SLIT3: variants seen among roughly 807,000 people sequenced by gnomAD.
SLIT3 encodes slit guidance ligand 3.
In SLIT3, 68 loss-of-function variants were observed where a neutral mutation model predicts 184.0. The ratio of observed to expected loss-of-function variants is 0.37; its 90% CI spans 0.30 to 0.45. The LOEUF is 0.45. Ranked by LOEUF, SLIT3 falls within the 20% of genes least tolerant of loss-of-function variation. The pLI is 1.00. For missense variants in SLIT3, 1,707 were observed against 2,026.0 expected, an observed-to-expected ratio of 0.84 and a Z score of 3.02; for synonymous variants, 831 against 828.6, an observed-to-expected ratio of 1.00 and a Z score of -0.05.
At chr5:169,261,334 AC>A (rs993145387) in intron 1 of SLIT3, among the ~76,000 whole-genome samples, 16 of 144,516 alleles carry the variant, frequency 1.1e-4, no homozygotes, top group East Asian at 1.0e-3. Flanking sequence ...ACAAAAAAAA[AC>A]CCCAGCATGT....
intron 4 of SLIT3, among the ~76,000 whole-genome samples, chr5:169,040,089 G>GA (rs1385200088): frequency 3.9e-5 from 6 of 152,106 alleles, no homozygotes; most frequent in Admixed American, 3.9e-4. Flanking sequence ...GTTTAACTTG[G>GA]AAATAAAAAA....
intron 1 of SLIT3, among the ~76,000 whole-genome samples, chr5:169,265,604 T>C (rs903383460): frequency 3.9e-5 from 6 of 152,140 alleles, no homozygotes; most frequent in South Asian, 2.1e-4. Flanking sequence ...TCTTAGCAAA[T>C]AGAGCATGAT....
chr5:169,027,355 A>T (rs1756867728), intron 4 of SLIT3, among the ~76,000 whole-genome samples: 2 of 152,200 alleles, frequency 1.3e-5, no homozygotes, highest in Non-Finnish European at 2.9e-5. Context: ...GCTCATAGTC[A>T]TGTCCCTTTT....
intron 23 of SLIT3, among the ~76,000 whole-genome samples, chr5:168,721,399 A>G (rs56258506): frequency 0.46 from 70,412 of 152,068 alleles, 16,434 homozygotes; most frequent in East Asian, 0.61. Context: ...CCAGAGCTGC[A>G]CTAAGTACTT....
At chr5:168,752,006 T>C (rs953686750) in intron 18 of SLIT3, among the ~76,000 whole-genome samples, 2 of 152,206 alleles carry the variant, frequency 1.3e-5, no homozygotes, top group African/African-American at 4.8e-5. Flanking sequence ...CCCAAAGTGC[T>C]GGGATTACAG....
chr5:169,017,830 A>T (rs371256254), intron 4 of SLIT3: 1 of 152,234 alleles, frequency 6.6e-6, no homozygotes, highest in Non-Finnish European at 1.5e-5. Context: ...TTGGTTTATT[A>T]GCTTTCATAA....
chr5:169,190,575 T>C (rs1230371906), intron 4 of SLIT3, among the ~76,000 whole-genome samples: 3 of 152,246 alleles, frequency 2.0e-5, no homozygotes, highest in Non-Finnish European at 2.9e-5. Context: ...AGCCTGTTTT[T>C]ATTACATGAC....
intron 23 of SLIT3, among the ~76,000 whole-genome samples, chr5:168,719,384 A>G (rs1762863562): frequency 6.6e-6 from 1 of 152,206 alleles, no homozygotes; most frequent in Admixed American, 6.5e-5. Context: ...TTCATTTGTT[A>G]TAGAAATGAC....
chr5:169,143,939 A>G (rs890947307), intron 4 of SLIT3, among the ~76,000 whole-genome samples: 4 of 152,232 alleles, frequency 2.6e-5, no homozygotes, highest in Non-Finnish European at 4.4e-5. Context: ...AAAATACAGA[A>G]ATATCAAAGT....
chr5:169,083,007 G>C (rs539661854), intron 4 of SLIT3, among the ~76,000 whole-genome samples: 10 of 151,666 alleles, frequency 6.6e-5, no homozygotes, highest in African/African-American at 2.4e-4. Context: ...CTGAAACACT[G>C]ATCTTTATTA....
chr5:168,732,075 T>G (rs1446495707), intron 20 of SLIT3, among the ~76,000 whole-genome samples: 1 of 152,088 alleles, frequency 6.6e-6, no homozygotes, highest in Non-Finnish European at 1.5e-5. Context: ...ACTGTTAGAC[T>G]TAATAAATGA....
intron 4 of SLIT3, among the ~76,000 whole-genome samples, chr5:168,961,005 G>A (rs1217106225): frequency 6.6e-6 from 1 of 152,208 alleles, no homozygotes; most frequent in African/African-American, 2.4e-5. Context: ...ACCAGCCATT[G>A]ACCTTTAAAA....
At chr5:168,757,270 G>C (rs543796707) in intron 16 of SLIT3, among the ~76,000 whole-genome samples, 1 of 152,236 alleles carries the variant, frequency 6.6e-6, no homozygotes, top group Non-Finnish European at 1.5e-5. Flanking sequence ...TGAGGGTTAA[G>C]TGCATTAATA....
intron 4 of SLIT3, among the ~76,000 whole-genome samples, chr5:169,159,583 G>A (rs1762413268): frequency 6.6e-6 from 1 of 151,420 alleles, no homozygotes; most frequent in Non-Finnish European, 1.5e-5. Context: ...AGACCACCCT[G>A]GCTAACATGG....
At chr5:169,143,817 A>G (rs779917833) in intron 4 of SLIT3, among the ~76,000 whole-genome samples, 1 of 152,178 alleles carries the variant, frequency 6.6e-6, no homozygotes, top group African/African-American at 2.4e-5. Context: ...CAAAAACAGT[A>G]TGTATGCACA....
At chr5:168,727,376 A>C (rs1002679102) in intron 20 of SLIT3, among the ~76,000 whole-genome samples, 3 of 152,238 alleles carry the variant, frequency 2.0e-5, no homozygotes, top group African/African-American at 7.2e-5. Flanking sequence ...ACATATTTTC[A>C]GATGAGGATT....
chr5:169,068,808 A>G (rs920167563), intron 4 of SLIT3, among the ~76,000 whole-genome samples: 1 of 151,012 alleles, frequency 6.6e-6, no homozygotes, highest in Non-Finnish European at 1.5e-5. Flanking sequence ...CATTACGGGA[A>G]AAACCCTCTT....
intron 5 of SLIT3, among the ~76,000 whole-genome samples, chr5:168,857,374 T>TTTTGTTTTG (rs571027235): frequency 2.6e-4 from 12 of 47,026 alleles, no homozygotes; most frequent in African/African-American, 9.7e-4. Flanking sequence ...GAGTTTTTGT[T>TTTTGTTTTG]TTTGTTTTGT....
intron 4 of SLIT3, among the ~76,000 whole-genome samples, chr5:168,986,174 G>T (rs1056949778): frequency 6.6e-6 from 1 of 151,978 alleles, no homozygotes; most frequent in Non-Finnish European, 1.5e-5. Flanking sequence ...CTTTTCTTAC[G>T]TCTGGTTCTC....
Sources: gnomAD v4.1 joint callset for allele counts (sites outside exome capture counted in the v4.1 genomes callset) on GRCh38, gnomAD v4.1.1 for gene constraint, MANE v1.5 for transcripts, NCBI Gene and HGNC (gene_info 2026-07-23, HGNC 2026-07-21) for gene names.